Variants in STK11 observed in about 807,000 individuals in gnomAD.
STK11 encodes the protein serine/threonine-protein kinase STK11.
A neutral mutation model predicts 47.3 loss-of-function variants in STK11; 8 were observed. That is an observed-to-expected ratio of 0.17 (90% CI 0.10 to 0.31). The LOEUF is 0.31. STK11 is among the 10% of genes least tolerant of loss of function. The pLI, the probability that STK11 is intolerant of heterozygous loss-of-function variation, is 1.00. For missense variants in STK11, 475 were observed against 605.0 expected, an observed-to-expected ratio of 0.79 and a Z score of 2.25; for synonymous variants, 330 against 255.8, an observed-to-expected ratio of 1.29 and a Z score of -2.77.
chr19:1,222,009 G>A lies in STK11; in HGVS notation c.920+3G>A, dbSNP rs2080788122. The A allele has an allele frequency of 6.4e-7, 1 of 1,569,010 alleles. No individual in the cohort carries two copies. The highest frequency in any genetic ancestry group is 2.4e-5 in the East Asian group (1 of 42,050). On this transcript the variant is annotated splice_donor_region_variant and intron_variant, in intron 7 of 9. Transcript: ENST00000326873. ...ATCCGGCAGATCCGGCAGCACAGGT[G>A]AGCGGCCCCTGGGGGCAGTGGGGCC...
At chr19:1,208,097 C>T (rs1002064035) in intron 1 of STK11, among the ~76,000 whole-genome samples, 1 of 152,202 alleles carries the variant, frequency 6.6e-6, no homozygotes, top group Non-Finnish European at 1.5e-5. Flanking sequence ...AACTTTGCCT[C>T]CTGTTTCCAA....
At chr19:1,224,934 C>CACT in intron 8 of STK11, 1 of 985,592 alleles carries the variant, frequency 1.0e-6, no homozygotes, top group South Asian at 4.7e-5. Context: ...AGCCCCCTTG[C>CACT]GTTGGGGCAG....
At position 1,227,768 on chromosome 19, in the gene STK11, C is replaced by A. The variant is rs1268479999; in HGVS notation, c.*192C>A. Reference sequence around the variant, plus strand: ...AGCAGGGACCGGGCGCAGCCCTCCCCCCTCGGCCGCCCGGCAGTGCACGCG... The same window carrying A: ...AGCAGGGACCGGGCGCAGCCCTCCCACCTCGGCCGCCCGGCAGTGCACGCG... On this transcript the variant is annotated 3_prime_UTR_variant, in exon 10 of 10. Transcript: ENST00000326873. 49 of 1,073,382 alleles carry A rather than the reference C, an allele frequency of 4.6e-5. No homozygotes were observed. Among genetic ancestry groups the A allele is most frequent in the Non-Finnish European group, 5.5e-5 (49 of 884,340 alleles). The allele number at this position is 1,073,382 out of a possible 1,614,324, so 66.5% of individuals were successfully genotyped here.
intron 8 of STK11, chr19:1,224,089 A>G (rs763680936): frequency 3.7e-5 from 37 of 995,624 alleles, no homozygotes; most frequent in Non-Finnish European, 4.4e-5. Context: ...TAGGTCCCTC[A>G]GCACTCCTGG....
In STK11 at chr19:1,223,027, C is replaced by T. The variant is rs878853993; in HGVS notation, c.963C>T (p.Pro321=). 7 of 1,590,016 alleles carry T rather than the reference C, an allele frequency of 4.4e-6. No individual in the cohort carries two copies. Among genetic ancestry groups the T allele is most frequent in the African/African-American group, 2.7e-5 (2 of 74,396 alleles). The change falls in exon 8 of 10, where the codon CCC becomes CCT. Residue 321 remains proline (P), a synonymous_variant. Transcript: ENST00000326873. ...ATCCTCCGGCTGAAGCACCAGTGCC[C>T]ATCCCACCGAGCCCAGACACCAAGG... ...KKHPPAEAPV[P]IPPSPDTKDR...
At chr19:1,222,156 C>T (rs762225122) in intron 7 of STK11, 150 bp downstream of exon 7, 15 of 949,606 alleles carry the variant, frequency 1.6e-5, no homozygotes, top group African/African-American at 8.1e-5. Context: ...TCTCGGGGCC[C>T]GAGTGGGGTC....
chr19:1,221,411 G>T, intron 6 of STK11, 71 bp downstream of exon 6: 1 of 1,495,756 alleles, frequency 6.7e-7, no homozygotes, highest in Admixed American at 2.1e-5. Context: ...AGGGTTGGGG[G>T]TGTCAGGTGG....
At chr19:1,225,839 C>T (rs1350500392) in intron 8 of STK11, 1 of 986,080 alleles carries the variant, frequency 1.0e-6, no homozygotes, top group Non-Finnish European at 1.2e-6. Flanking sequence ...CTGCACTTTC[C>T]CCTGCCATTG....
At chr19:1,213,809 C>A (rs2080727540) in intron 1 of STK11, among the ~76,000 whole-genome samples, 1 of 152,234 alleles carries the variant, frequency 6.6e-6, no homozygotes, top group Non-Finnish European at 1.5e-5. Flanking sequence ...GGGACCAGGG[C>A]ACGCGGGTCT....
At position 1,207,010 on chromosome 19, in the gene STK11, G is replaced by C. The variant is rs1319831476; in HGVS notation, c.97G>C (p.Glu33Gln). Reference protein sequence around the residue: ...DTFIHRIDSTEVIYQPRRKRA... With the variant: ...DTFIHRIDSTQVIYQPRRKRA... ...GTTCATCCACCGCATCGACTCCACCGAGGTCATCTACCAGCCGCGCCGCAA... is the reference window on the plus strand; with the variant it reads ...GTTCATCCACCGCATCGACTCCACCCAGGTCATCTACCAGCCGCGCCGCAA... Residue 33 changes from glutamate (E) to glutamine (Q), a missense_variant, in exon 1 of 10, where the codon GAG (glutamate) becomes CAG (glutamine). Coordinates refer to ENST00000326873, the MANE Select transcript of STK11 (RefSeq NM_000455.5). 1 of 1,613,654 alleles carries C rather than the reference G, an allele frequency of 6.2e-7. No homozygotes were observed. Among genetic ancestry groups the C allele is most frequent in the Admixed American group, 1.7e-5 (1 of 59,990 alleles).
At chr19:1,226,005 C>G in intron 8 of STK11, 1 of 1,005,352 alleles carries the variant, frequency 9.9e-7, no homozygotes, top group Non-Finnish European at 1.2e-6. Flanking sequence ...TGGCATTTCG[C>G]GTGCCTGGCC....
At chr19:1,225,051 C>T (rs1332970316) in intron 8 of STK11, 8 of 985,674 alleles carry the variant, frequency 8.1e-6, no homozygotes, top group Non-Finnish European at 7.2e-6. Context: ...ACCCAGGATG[C>T]GGGTCCTGCT....
Position 1,227,609 on chromosome 19 carries a change from C to T in STK11, c.*33C>T. ...ACCCTGCAGCCCGTGTCCAGGAGCC[C>T]CGCCAGGTGCCCGCGCCAGGCCCTC... On this transcript the variant is annotated 3_prime_UTR_variant, in exon 10 of 10. Transcript: ENST00000326873. The T allele has an allele frequency of 1.9e-6, 2 of 1,065,856 alleles. No homozygotes were observed. The highest frequency in any genetic ancestry group is 2.3e-6 in the Non-Finnish European group (2 of 879,640). The allele number at this position is 1,065,856 out of a possible 1,614,324, so 66.0% of individuals were successfully genotyped here.
At chr19:1,223,284 A>G (rs1168558589) in intron 8 of STK11, 112 bp downstream of exon 8, 4 of 1,303,644 alleles carry the variant, frequency 3.1e-6, no homozygotes, top group Non-Finnish European at 3.2e-6. Context: ...CTGGTGGCCA[A>G]TCCCACGTCC....
At chr19:1,215,602 C>T (rs888574781) in intron 1 of STK11, among the ~76,000 whole-genome samples, 2 of 152,258 alleles carry the variant, frequency 1.3e-5, no homozygotes, top group African/African-American at 4.8e-5. Context: ...CCTTGGCCTT[C>T]TGAGGTTGCC....
chr19:1,210,032 C>G (rs1214923155), intron 1 of STK11, among the ~76,000 whole-genome samples: 4 of 152,162 alleles, frequency 2.6e-5, no homozygotes, highest in African/African-American at 9.7e-5. Context: ...TGCGGGGCCC[C>G]CTGGGATGAG....
chr19:1,211,917 T>TG, intron 1 of STK11, among the ~76,000 whole-genome samples: 1 of 152,342 alleles, frequency 6.6e-6, no homozygotes, highest in East Asian at 1.9e-4. Context: ...GCGGCCTTTA[T>TG]GGGGTTCCAG....
At chr19:1,216,925 C>CA (rs2080748715) in intron 1 of STK11, among the ~76,000 whole-genome samples, 1 of 151,846 alleles carries the variant, frequency 6.6e-6, no homozygotes, top group Admixed American at 6.6e-5. Flanking sequence ...TGGCTCGAGT[C>CA]AGAGCCTCAC....
rs1270497529 is a variant in STK11, at chr19:1,227,978, AC to A, written c.*406del. ...GGCGGGTGTGGAGACCAGGCTCCTGACCCCGCCATGCATGCAGCGCCACCTG... is the reference window on the plus strand; with the variant it reads ...GGCGGGTGTGGAGACCAGGCTCCTGACCCGCCATGCATGCAGCGCCACCTG... On this transcript the variant is annotated 3_prime_UTR_variant, in exon 10 of 10. Transcript: ENST00000326873. The A allele has an allele frequency of 9.9e-5, 106 of 1,067,870 alleles. No individual in the cohort carries two copies. The highest frequency in any genetic ancestry group is 1.2e-4 in the Non-Finnish European group (105 of 881,290). The allele number at this position is 1,067,870 out of a possible 1,614,324, so 66.1% of individuals were successfully genotyped here. A position where few individuals can be genotyped will look rare whatever the true frequency, so the allele number is the denominator to read the frequency against.
Sources: allele counts gnomAD v4.1 joint callset (sites outside exome capture counted in the v4.1 genomes callset), GRCh38; gene constraint gnomAD v4.1.1; transcripts MANE v1.5; gene names NCBI Gene and HGNC (gene_info 2026-07-23, HGNC 2026-07-21).